Variants in SNX6 observed in about 807,000 individuals in gnomAD.
SNX6 encodes the protein sorting nexin-6.
In SNX6, 34 loss-of-function variants were observed where a neutral mutation model predicts 63.0. That is an observed-to-expected ratio of 0.54 (90% CI 0.41 to 0.72). SNX6 has a LOEUF of 0.72. SNX6 is among the 30% of genes least tolerant of loss of function. The pLI is 0.00. For synonymous variants in SNX6, 170 were observed against 164.2 expected (o/e 1.04, Z -0.27); for missense variants, 398 against 471.4 (o/e 0.84, Z 1.44).
chr14:34,595,079 C>A (rs919877998), intron 7 of SNX6, among the ~76,000 whole-genome samples: 3 of 152,008 alleles, frequency 2.0e-5, no homozygotes, highest in Admixed American at 6.6e-5. Context: ...GGCAACAGAG[C>A]AAGACCCTGT....
intron 6 of SNX6, among the ~76,000 whole-genome samples, chr14:34,599,499 A>C (rs963208978): frequency 3.3e-5 from 5 of 151,832 alleles, no homozygotes; most frequent in Non-Finnish European, 5.9e-5. Flanking sequence ...CCCAGCTACT[A>C]GGGAGACTGA....
intron 9 of SNX6, among the ~76,000 whole-genome samples, chr14:34,582,597 C>A (rs1481391532): frequency 6.6e-6 from 1 of 151,840 alleles, no homozygotes; most frequent in Non-Finnish European, 1.5e-5. Flanking sequence ...CTTGCCCCAG[C>A]CGCAGTGCAG....
intron 11 of SNX6, chr14:34,568,807 A>G: frequency 4.0e-6 from 4 of 1,006,770 alleles, no homozygotes; most frequent in Non-Finnish European, 6.3e-6. Flanking sequence ...TAGCCCCTCC[A>G]GGGCTTGGAG....
intron 2 of SNX6, among the ~76,000 whole-genome samples, chr14:34,622,302 C>G (rs371625081): frequency 6.7e-6 from 1 of 149,836 alleles, no homozygotes; most frequent in Non-Finnish European, 1.5e-5. Context: ...CAGTACTGGC[C>G]GGGCACGGTG....
rs1881001446 is a variant in SNX6, at chr14:34,563,079, T to C, written c.*43A>G. 3.2e-6 allele frequency: 5 copies of C among 1,586,030 alleles called. No individual in the cohort carries two copies. The highest frequency in any genetic ancestry group is 4.3e-6 in the Non-Finnish European group (5 of 1,159,802). ...ATCATTAAGAAAACAAAAATAAAAT[T>C]TGAAGGAAGGCAGCCCTTTTTAACA... On this transcript the variant is annotated 3_prime_UTR_variant, in exon 14 of 14. Coordinates refer to ENST00000362031, the MANE Select transcript of SNX6 (RefSeq NM_152233.4).
At chr14:34,592,113 T>C (rs1441173156) in intron 8 of SNX6, among the ~76,000 whole-genome samples, 1 of 151,978 alleles carries the variant, frequency 6.6e-6, no homozygotes. Context: ...AGTGGCCAGG[T>C]GCGGTGGCTC....
chr14:34,570,938 T>C (rs540026972), intron 11 of SNX6, among the ~76,000 whole-genome samples: 2 of 150,876 alleles, frequency 1.3e-5, no homozygotes, highest in Admixed American at 6.6e-5. Context: ...TTAGCCAGAA[T>C]GGTCTCGATC....
At chr14:34,616,734 G>A (rs954516646) in intron 2 of SNX6, among the ~76,000 whole-genome samples, 2 of 152,056 alleles carry the variant, frequency 1.3e-5, no homozygotes, top group Admixed American at 1.3e-4. Context: ...TCATTTTAGA[G>A]GGTTTTATTA....
At chr14:34,573,723 A>C (rs1411668329) in intron 11 of SNX6, among the ~76,000 whole-genome samples, 2 of 150,130 alleles carry the variant, frequency 1.3e-5, no homozygotes, top group East Asian at 2.0e-4. Context: ...ACTGCTACCT[A>C]CCTCCCTCTC....
At chr14:34,625,367 T>C (rs1009826705) in intron 2 of SNX6, among the ~76,000 whole-genome samples, 1 of 152,134 alleles carries the variant, frequency 6.6e-6, no homozygotes, top group Non-Finnish European at 1.5e-5. Context: ...AATGAGGAAA[T>C]AGCAGGATAA....
chr14:34,573,125 A>G (rs1336185293), intron 11 of SNX6, among the ~76,000 whole-genome samples: 3 of 152,116 alleles, frequency 2.0e-5, no homozygotes, highest in African/African-American at 7.2e-5. Flanking sequence ...ACGGGAACAC[A>G]CCACCATGGC....
chr14:34,580,975 A>G (rs748797826), intron 10 of SNX6, among the ~76,000 whole-genome samples: 1 of 152,060 alleles, frequency 6.6e-6, no homozygotes, highest in African/African-American at 2.4e-5. Flanking sequence ...ACTTTCATAC[A>G]AATACTTAAA....
intron 2 of SNX6, among the ~76,000 whole-genome samples, chr14:34,620,449 C>T (rs1036760509): frequency 6.6e-6 from 1 of 152,032 alleles, no homozygotes; most frequent in African/African-American, 2.4e-5. Context: ...CCACTACATG[C>T]CAGCCTGGGC....
intron 2 of SNX6, among the ~76,000 whole-genome samples, chr14:34,627,718 G>C (rs541037260): frequency 9.9e-5 from 15 of 152,184 alleles, no homozygotes; most frequent in Admixed American, 5.2e-4. Context: ...TCGAACTCCT[G>C]ACCTCAGGTG....
At chr14:34,567,623 C>A in intron 13 of SNX6, 63 bp downstream of exon 13, 1 of 1,267,776 alleles carries the variant, frequency 7.9e-7, no homozygotes, top group South Asian at 1.3e-5. Flanking sequence ...TTATCAATGT[C>A]ATAACTGATT....
chr14:34,565,747 T>C (rs1475209678), intron 13 of SNX6, among the ~76,000 whole-genome samples: 1 of 151,314 alleles, frequency 6.6e-6, no homozygotes, highest in Non-Finnish European at 1.5e-5. Flanking sequence ...TGGAGTGCAG[T>C]GACGCAATCT....
Position 34,622,047 on chromosome 14 carries a change from C to T in SNX6, c.54+7860G>A, listed in dbSNP as rs528391333. 7.3e-4 allele frequency among the ~76,000 whole-genome samples: 108 copies of T among 148,298 alleles called. 1 individual carries two copies. The highest frequency in any genetic ancestry group is 2.4e-3 in the African/African-American group (95 of 40,016). On this transcript the variant is annotated intron_variant, in intron 2 of 13. Coordinates refer to ENST00000362031, the MANE Select transcript of SNX6 (RefSeq NM_152233.4). Reference sequence around the variant, plus strand: ...GATCTTGGCTCACTGCTACCTCTGCCTCCTGGGTTCAAGCGATTCTCCTGC... The same window carrying T: ...GATCTTGGCTCACTGCTACCTCTGCTTCCTGGGTTCAAGCGATTCTCCTGC...
At chr14:34,572,915 C>T (rs577093948) in intron 11 of SNX6, among the ~76,000 whole-genome samples, 3 of 151,988 alleles carry the variant, frequency 2.0e-5, no homozygotes, top group Non-Finnish European at 4.4e-5. Context: ...ATCTCCTGAC[C>T]TCGTGATCCA....
At position 34,609,931 on chromosome 14, in the gene SNX6, A is replaced by G. The variant is rs541982918; in HGVS notation, c.55-189T>C. Among the ~76,000 whole-genome samples the G allele has an allele frequency of 2.6e-5, 4 of 152,314 alleles. No homozygotes were observed. The East Asian group carries it at 5.8e-4, about 22-fold the overall frequency. On this transcript the variant is annotated intron_variant, in intron 2 of 13. Coordinates refer to ENST00000362031, the MANE Select transcript of SNX6 (RefSeq NM_152233.4). Reference sequence around the variant, plus strand: ...TGCTTTGGGCAACGCTATTACCTTAATTCTATAGTATTCAATTCTAGAATT... The same window carrying G: ...TGCTTTGGGCAACGCTATTACCTTAGTTCTATAGTATTCAATTCTAGAATT...
Sources: gnomAD v4.1 joint callset for allele counts (sites outside exome capture counted in the v4.1 genomes callset) on GRCh38, gnomAD v4.1.1 for gene constraint, MANE v1.5 for transcripts, NCBI Gene and HGNC (gene_info 2026-07-23, HGNC 2026-07-21) for gene names.